Variants in SH3RF3 observed in about 807,000 individuals in gnomAD.
SH3RF3 encodes the protein SH3 domain containing ring finger 3.
Under a neutral mutation model 66.3 loss-of-function variants are expected in SH3RF3, and 29 were observed. That is an observed-to-expected ratio of 0.44 (90% CI 0.33 to 0.60). SH3RF3 has a LOEUF of 0.60. SH3RF3 is among the 20% of genes least tolerant of loss of function. SH3RF3 has a pLI of 0.04. For missense variants in SH3RF3, 1,194 were observed against 1,190.9 expected (o/e 1.00, Z -0.04); for synonymous variants, 583 against 532.0 (o/e 1.10, Z -1.32).
At chr2:109,151,403 A>G (rs886510503) in intron 1 of SH3RF3, among the ~76,000 whole-genome samples, 2 of 152,200 alleles carry the variant, frequency 1.3e-5, no homozygotes, top group African/African-American at 2.4e-5. Flanking sequence ...TGATGGTTCA[A>G]ATTCCTAATT....
intron 1 of SH3RF3, among the ~76,000 whole-genome samples, chr2:109,243,845 G>T (rs1188125252): frequency 6.6e-6 from 1 of 152,218 alleles, no homozygotes; most frequent in Admixed American, 6.5e-5. Flanking sequence ...GACAATACGT[G>T]ATCTGGTTTG....
At chr2:109,364,354 A>G (rs1402047602) in intron 2 of SH3RF3, among the ~76,000 whole-genome samples, 1 of 152,174 alleles carries the variant, frequency 6.6e-6, no homozygotes, top group African/African-American at 2.4e-5. Context: ...CTTTGCTTAC[A>G]TCACCCATCT....
At chr2:109,496,571 TCCTGCCCCTTTGACC>T (rs1679267951) in intron 9 of SH3RF3, among the ~76,000 whole-genome samples, 1 of 152,248 alleles carries the variant, frequency 6.6e-6, no homozygotes, top group Admixed American at 6.5e-5. Context: ...CCTGGCCGAC[TCCTGCCCCTTTGACC>T]TGCTTCTCCC....
Position 109,490,944 on chromosome 2 carries a change from C to G in SH3RF3, c.2480+8C>G, listed in dbSNP as rs753584707. The G allele has an allele frequency of 9.9e-5, 147 of 1,477,746 alleles. No homozygotes were observed. The highest frequency in any genetic ancestry group is 2.2e-5 in the Non-Finnish European group (24 of 1,113,010). 91.5% of individuals were successfully genotyped at this position (1,477,746 alleles called of 1,614,324 possible). On this transcript the variant is annotated splice_region_variant and intron_variant, in intron 9 of 9. Transcript: ENST00000309415. ...GCTGTTGCCCAGAGAGAGGTAAGTG[C>G]AGGGGCTTGTCTGCTCTGTGGCATG...
At chr2:109,307,481 G>A (rs1362791821) in intron 1 of SH3RF3, among the ~76,000 whole-genome samples, 1 of 148,976 alleles carries the variant, frequency 6.7e-6, no homozygotes, top group African/African-American at 2.5e-5. Context: ...GTGCAGGTTA[G>A]TTACATATGT....
chr2:109,198,492 T>C (rs1678560233), intron 1 of SH3RF3, among the ~76,000 whole-genome samples: 1 of 152,180 alleles, frequency 6.6e-6, no homozygotes, highest in Admixed American at 6.5e-5. Context: ...CAGGCTGCTA[T>C]AACAAAATAC....
rs143574962 is a variant in SH3RF3, at chr2:109,329,119, A to C, written c.574-18555A>C. On this transcript the variant is annotated intron_variant, in intron 1 of 9. Transcript: ENST00000309415. ...TCCTTTTCTTACTCTTTCATCTCCA[A>C]ATGTTCCCCTCTCTCCTACATTGGT... 3.4e-3 allele frequency among the ~76,000 whole-genome samples: 511 copies of C among 151,722 alleles called. 2 individuals are homozygous for C. Among genetic ancestry groups the C allele is most frequent in the Non-Finnish European group, 5.1e-3 (347 of 67,884 alleles).
chr2:109,330,040 T>C (rs1209721682), intron 1 of SH3RF3, among the ~76,000 whole-genome samples: 2 of 152,184 alleles, frequency 1.3e-5, no homozygotes, highest in Admixed American at 6.5e-5. Context: ...TTACAAAACA[T>C]TGAATTTCAT....
At chr2:109,350,613 A>G (rs1682817126) in intron 2 of SH3RF3, among the ~76,000 whole-genome samples, 1 of 152,178 alleles carries the variant, frequency 6.6e-6, no homozygotes, top group South Asian at 2.1e-4. Context: ...TAAAGGCTCC[A>G]AGAGACATGG....
At chr2:109,485,313 G>A (rs1678941354) in intron 8 of SH3RF3, among the ~76,000 whole-genome samples, 1 of 152,234 alleles carries the variant, frequency 6.6e-6, no homozygotes, top group South Asian at 2.1e-4. Flanking sequence ...CGGGTCACAT[G>A]TACAGGTTTA....
intron 4 of SH3RF3, among the ~76,000 whole-genome samples, chr2:109,416,954 G>T (rs1389830950): frequency 5.9e-5 from 9 of 151,978 alleles, no homozygotes; most frequent in African/African-American, 2.2e-4. Context: ...TGGCCACCTG[G>T]ATTGCAAGCC....
At chr2:109,456,918 C>T (rs1407349174) in intron 8 of SH3RF3, among the ~76,000 whole-genome samples, 4 of 152,142 alleles carry the variant, frequency 2.6e-5, no homozygotes, top group East Asian at 1.9e-4. Context: ...GTGGCAGGGA[C>T]GAGGGAAGGA....
intron 1 of SH3RF3, among the ~76,000 whole-genome samples, chr2:109,166,044 T>G (rs1301888040): frequency 6.6e-6 from 1 of 152,192 alleles, no homozygotes; most frequent in African/African-American, 2.4e-5. Flanking sequence ...GATACATACC[T>G]TGGTGAGCCT....
chr2:109,483,538 T>C (rs1427716802), intron 8 of SH3RF3, among the ~76,000 whole-genome samples: 1 of 152,252 alleles, frequency 6.6e-6, no homozygotes, highest in Non-Finnish European at 1.5e-5. Flanking sequence ...TGAGAACTAC[T>C]TGACTGTCTT....
chr2:109,140,423 T>TA (rs1417028970), intron 1 of SH3RF3, among the ~76,000 whole-genome samples: 1 of 151,986 alleles, frequency 6.6e-6, no homozygotes, highest in Non-Finnish European at 1.5e-5. Context: ...CTCTGTCCCC[T>TA]AGGCTGGAGT....
chr2:109,161,251 T>G (rs1353169577), intron 1 of SH3RF3, among the ~76,000 whole-genome samples: 1 of 152,154 alleles, frequency 6.6e-6, no homozygotes, highest in Non-Finnish European at 1.5e-5. Context: ...GGCACGAGTA[T>G]GCAGTGATGA....
chr2:109,376,456 A>G (rs1352375547), intron 3 of SH3RF3, among the ~76,000 whole-genome samples: 1 of 152,204 alleles, frequency 6.6e-6, no homozygotes, highest in East Asian at 1.9e-4. Context: ...GGAGACTTAG[A>G]AGGCATGTTA....
chr2:109,181,239 C>T (rs1362280238), intron 1 of SH3RF3, among the ~76,000 whole-genome samples: 4 of 152,178 alleles, frequency 2.6e-5, no homozygotes, highest in Non-Finnish European at 5.9e-5. Context: ...GAAAACAGAA[C>T]AGAGGATTCC....
rs1676640256 is a variant in SH3RF3 at position 109,129,779 on chromosome 2, G to C, written c.239G>C (p.Arg80Pro). ...CCATGCCAACACACTTTCTGCCGCC[G>C]CTGCCTGGAGAGCATCGTGTGCTCG... ...VLPCQHTFCR[R>P]CLESIVCSRH... Residue 80 changes from arginine (R) to proline (P), a missense_variant, in exon 1 of 10, where the codon CGC becomes CCC. Arg to Pro is a moderately radical substitution (Grantham distance 103). Transcript: ENST00000309415. The C allele has an allele frequency of 7.1e-6, 11 of 1,538,664 alleles. No individual in the cohort carries two copies. Among genetic ancestry groups the C allele is most frequent in the Non-Finnish European group, 9.6e-6 (11 of 1,145,130 alleles).
Sources: gnomAD v4.1 joint callset for allele counts (sites outside exome capture counted in the v4.1 genomes callset) on GRCh38, gnomAD v4.1.1 for gene constraint, MANE v1.5 for transcripts, NCBI Gene and HGNC (gene_info 2026-07-23, HGNC 2026-07-21) for gene names.